The following NTN1 variants were observed in gnomAD, a reference collection of about 807,000 sequenced individuals.
NTN1 encodes netrin-1.
Under a neutral mutation model 54.2 loss-of-function variants are expected in NTN1, and 11 were observed. The ratio of observed to expected loss-of-function variants is 0.20; its 90% CI spans 0.13 to 0.34. The LOEUF (loss-of-function observed/expected upper bound fraction) is 0.34, where lower values mean the gene tolerates loss of function less well. NTN1 is among the 10% of genes least tolerant of loss of function. The pLI is 1.00. For missense variants in NTN1, 740 were observed against 893.1 expected (o/e 0.83, Z 2.18); for synonymous variants, 371 against 382.0 (o/e 0.97, Z 0.33).
intron 6 of NTN1, among the ~76,000 whole-genome samples, chr17:9,227,355 TCACA>T (rs1905608482): frequency 1.3e-5 from 2 of 149,794 alleles, no homozygotes; most frequent in South Asian, 2.1e-4. Flanking sequence ...TCAGTCACAC[TCACA>T]TCATACACAC....
chr17:9,216,559 C>A (rs1283097935), intron 5 of NTN1, among the ~76,000 whole-genome samples: 3 of 152,064 alleles, frequency 2.0e-5, no homozygotes, highest in Non-Finnish European at 4.4e-5. Flanking sequence ...AATTGCAGAT[C>A]CATGTACTGG....
chr17:9,132,028 C>T (rs1037130636), intron 2 of NTN1, among the ~76,000 whole-genome samples: 1 of 151,648 alleles, frequency 6.6e-6, no homozygotes, highest in African/African-American at 2.4e-5. Context: ...TAGCCAGGCC[C>T]CTTGATGCCC....
chr17:9,085,382 G>T (rs1597482182), intron 2 of NTN1, among the ~76,000 whole-genome samples: 1 of 152,228 alleles, frequency 6.6e-6, no homozygotes, highest in Non-Finnish European at 1.5e-5. Context: ...CTTTAAGGAA[G>T]TGAAGTGGAA....
At chr17:9,054,524 C>A (rs2091972101) in intron 2 of NTN1, among the ~76,000 whole-genome samples, 1 of 152,126 alleles carries the variant, frequency 6.6e-6, no homozygotes, top group Non-Finnish European at 1.5e-5. Context: ...AGAGGGGGGT[C>A]TTTTACTGGA....
intron 2 of NTN1, among the ~76,000 whole-genome samples, chr17:9,081,512 C>T (rs1293632501): frequency 6.6e-6 from 1 of 152,190 alleles, no homozygotes; most frequent in African/African-American, 2.4e-5. Flanking sequence ...CCTTCATACC[C>T]ACCCAGATAG....
chr17:9,183,318 A>T, intron 5 of NTN1: 1 of 550,760 alleles, frequency 1.8e-6, no homozygotes, highest in Non-Finnish European at 3.6e-6. Context: ...AGAAGGAAGG[A>T]GCCAGATGCT....
intron 5 of NTN1, among the ~76,000 whole-genome samples, chr17:9,214,598 G>A (rs1262109263): frequency 1.3e-5 from 2 of 152,164 alleles, no homozygotes; most frequent in Non-Finnish European, 2.9e-5. Context: ...CGAGGCAGGC[G>A]GATCACGAGG....
intron 2 of NTN1, among the ~76,000 whole-genome samples, chr17:9,029,070 C>T (rs1384835897): frequency 6.6e-6 from 1 of 151,918 alleles, no homozygotes; most frequent in Non-Finnish European, 1.5e-5. Context: ...AGAGCAGGCC[C>T]ACAGCATTTT....
chr17:9,143,873 G>A (rs903575543), intron 2 of NTN1, among the ~76,000 whole-genome samples: 4 of 151,918 alleles, frequency 2.6e-5, no homozygotes, highest in African/African-American at 9.7e-5. Context: ...CCCCTGACAT[G>A]GAATCCTAAA....
chr17:9,036,225 A>T (rs1018773547), intron 2 of NTN1, among the ~76,000 whole-genome samples: 1 of 150,724 alleles, frequency 6.6e-6, no homozygotes, highest in African/African-American at 2.4e-5. Context: ...ACAAATTTAT[A>T]TCTGTATACA....
intron 2 of NTN1, among the ~76,000 whole-genome samples, chr17:9,137,114 A>G (rs146677707): frequency 4.6e-5 from 7 of 152,248 alleles, no homozygotes; most frequent in African/African-American, 1.2e-4. Context: ...ACCTGGCTCA[A>G]ATGACCCCTC....
chr17:9,007,415 CT>C, the NTN1 span, among the ~76,000 whole-genome samples: 2 of 146,646 alleles, frequency 1.4e-5, no homozygotes, highest in Non-Finnish European at 3.0e-5. Flanking sequence ...CTTTTCTTCT[CT>C]CTTTCTTTTT....
At chr17:9,032,730 C>A (rs557599946) in intron 2 of NTN1, among the ~76,000 whole-genome samples, 2 of 152,152 alleles carry the variant, frequency 1.3e-5, no homozygotes, top group Non-Finnish European at 2.9e-5. Context: ...TGGACACGGC[C>A]CCCCCAGCCC....
chr17:9,090,260 C>G (rs1023455550), intron 2 of NTN1, among the ~76,000 whole-genome samples: 13 of 151,676 alleles, frequency 8.6e-5, no homozygotes, highest in Non-Finnish European at 1.0e-4. Context: ...ACTGCAACCT[C>G]TGCCTCCTGG....
intron 5 of NTN1, among the ~76,000 whole-genome samples, chr17:9,198,626 G>A (rs1252112940): frequency 6.6e-6 from 1 of 152,126 alleles, no homozygotes; most frequent in Admixed American, 6.5e-5. Context: ...ATTCTCTGAG[G>A]TCCCATGTCC....
At chr17:9,072,315 G>T (rs547560511) in intron 2 of NTN1, among the ~76,000 whole-genome samples, 1 of 150,660 alleles carries the variant, frequency 6.6e-6, no homozygotes, top group Non-Finnish European at 1.5e-5. Context: ...ACCATTGTTC[G>T]TGAGAATTCC....
intron 6 of NTN1, among the ~76,000 whole-genome samples, chr17:9,230,524 G>A (rs891111794): frequency 6.6e-6 from 1 of 152,060 alleles, no homozygotes; most frequent in African/African-American, 2.4e-5. Flanking sequence ...TGAGGTCGTG[G>A]AATGCGGGTG....
intron 2 of NTN1, among the ~76,000 whole-genome samples, chr17:9,047,589 C>G (rs910509696): frequency 9.2e-5 from 14 of 152,132 alleles, no homozygotes; most frequent in Non-Finnish European, 2.9e-5. Context: ...GTAATTATTT[C>G]CCCCACTGAA....
intron 5 of NTN1, among the ~76,000 whole-genome samples, chr17:9,214,693 G>A (rs1905178933): frequency 6.6e-6 from 1 of 152,146 alleles, no homozygotes; most frequent in African/African-American, 2.4e-5. Flanking sequence ...ATGGTGGCAG[G>A]CGCCTGTAGT....
Sources: allele counts gnomAD v4.1 joint callset (sites outside exome capture counted in the v4.1 genomes callset), GRCh38; gene constraint gnomAD v4.1.1; transcripts MANE v1.5; gene names NCBI Gene and HGNC (gene_info 2026-07-23, HGNC 2026-07-21).